PCDHA12: variants seen among roughly 807,000 people sequenced by gnomAD.
The protein encoded by PCDHA12 is protocadherin alpha 12, also known as protocadherin alpha-12.
Under a neutral mutation model 60.0 loss-of-function variants are expected in PCDHA12, and 44 were observed. That is an observed-to-expected ratio of 0.73 (90% confidence interval 0.58 to 0.94). PCDHA12 has a LOEUF of 0.94. PCDHA12 is among the 40% of genes least tolerant of loss of function. PCDHA12 has a pLI of 0.00. For missense variants in PCDHA12, 1,276 were observed against 1,239.7 expected (o/e 1.03, Z -0.44); for synonymous variants, 569 against 553.0 (o/e 1.03, Z -0.40).
At chr5:140,895,666 T>A (rs538311323) in intron 1 of PCDHA12, among the ~76,000 whole-genome samples, 24 of 152,288 alleles carry the variant, frequency 1.6e-4, no homozygotes, top group African/African-American at 5.8e-4. Context: ...AGTGAGAACA[T>A]GTAGTATTTG....
intron 1 of PCDHA12, among the ~76,000 whole-genome samples, chr5:140,910,005 G>T (rs1554194067): frequency 1.3e-5 from 2 of 152,212 alleles, no homozygotes; most frequent in African/African-American, 4.8e-5. Flanking sequence ...ATTGTTGTCA[G>T]TGTCATCCTT....
At chr5:140,900,588 C>G (rs1025443524) in intron 1 of PCDHA12, among the ~76,000 whole-genome samples, 3 of 152,150 alleles carry the variant, frequency 2.0e-5, no homozygotes, top group African/African-American at 7.2e-5. Flanking sequence ...TTTTCTTTAC[C>G]CGTTCATCTG....
chr5:140,903,902 A>G lies in PCDHA12; in HGVS notation c.2367+26063A>G, dbSNP rs548056424. Among the ~76,000 whole-genome samples the G allele has an allele frequency of 5.9e-5, 9 of 152,370 alleles. No individual in the cohort carries two copies. The South Asian group carries it at 1.9e-3, about 32-fold the overall frequency. On this transcript the variant is annotated intron_variant, in intron 1 of 3. Transcript: ENST00000398631. ...ACATTGAATCTTGACCTGTTTGTCA[A>G]TGATGTGACTTCCTTGCTGCATTGG...
intron 3 of PCDHA12, among the ~76,000 whole-genome samples, chr5:141,007,874 T>TA (rs2098349969): frequency 6.6e-6 from 1 of 152,244 alleles, no homozygotes; most frequent in African/African-American, 2.4e-5. Flanking sequence ...TCCTTTGTCT[T>TA]ACACTTCTTT....
intron 1 of PCDHA12, among the ~76,000 whole-genome samples, chr5:140,945,280 A>G (rs1482777954): frequency 6.6e-6 from 1 of 152,146 alleles, no homozygotes; most frequent in Non-Finnish European, 1.5e-5. Flanking sequence ...ACTTTAAAAC[A>G]TTGATGAAAG....
At chr5:141,007,280 T>G (rs946303708) in intron 3 of PCDHA12, among the ~76,000 whole-genome samples, 1 of 151,106 alleles carries the variant, frequency 6.6e-6, no homozygotes, top group East Asian at 1.9e-4. Flanking sequence ...CTGGGTGCAG[T>G]GGGCTCATGC....
intron 2 of PCDHA12, among the ~76,000 whole-genome samples, chr5:140,981,925 T>C (rs2096957903): frequency 1.3e-5 from 2 of 152,160 alleles, no homozygotes; most frequent in South Asian, 2.1e-4. Flanking sequence ...CAAGTTTCTC[T>C]AGTCTCAGGA....
chr5:140,942,588 A>G lies in PCDHA12; in HGVS notation c.2368-36361A>G, dbSNP rs1416575390. Among the ~76,000 whole-genome samples the G allele has an allele frequency of 2.0e-5, 3 of 149,704 alleles. No homozygotes were observed. The East Asian group carries it at 5.9e-4, about 29-fold the overall frequency. ...AAAATCTTCCCATATAGGATGTCAC[A>G]TATAATTATAGTGTTTATATTTGCC... On this transcript the variant is annotated intron_variant, in intron 1 of 3. Transcript: ENST00000398631.
chr5:140,913,824 TC>T, intron 1 of PCDHA12, among the ~76,000 whole-genome samples: 1 of 152,216 alleles, frequency 6.6e-6, no homozygotes, highest in Middle Eastern at 3.2e-3. Context: ...CTTTTAAATT[TC>T]TTTATTGACC....
chr5:140,928,896 A>G, intron 1 of PCDHA12: 3 of 1,614,108 alleles, frequency 1.9e-6, no homozygotes, highest in Non-Finnish European at 2.5e-6. Context: ...CAGACTTTGA[A>G]GATGTCTGGG....
intron 1 of PCDHA12, among the ~76,000 whole-genome samples, chr5:140,964,836 T>G (rs1306843318): frequency 1.3e-5 from 2 of 152,148 alleles, no homozygotes; most frequent in African/African-American, 4.8e-5. Flanking sequence ...AATTGCTTCC[T>G]ACTCTGTACC....
chr5:140,898,148 A>C lies in PCDHA12; in HGVS notation c.2367+20309A>C, dbSNP rs532668918. On this transcript the variant is annotated intron_variant, in intron 1 of 3. Coordinates refer to ENST00000398631, the MANE Select transcript of PCDHA12 (RefSeq NM_018903.4). ...CTCCCATTTTGTAGGTTGCCTGTTC[A>C]CGCTGATGGTGGTTTCTTTTGCTGT... Among the ~76,000 whole-genome samples, 1,044 of 152,230 alleles carry C rather than the reference A, an allele frequency of 6.9e-3. 8 individuals are homozygous for C. The highest frequency in any genetic ancestry group is 0.024 in the African/African-American group (1,010 of 41,492).
At chr5:140,978,499 T>A (rs1178288273) in intron 1 of PCDHA12, among the ~76,000 whole-genome samples, 1 of 152,238 alleles carries the variant, frequency 6.6e-6, no homozygotes, top group African/African-American at 2.4e-5. Flanking sequence ...AGCAGCAGAT[T>A]GCAGTCCTCT....
Position 140,950,516 on chromosome 5 carries a change from G to A in PCDHA12, c.2368-28433G>A, listed in dbSNP as rs184772904. ...ATTTAAGTCATTATTCCCTGTGTGCGATATGATTGTTTTTGTTGCTCTTGC... is the reference window on the plus strand; with the variant it reads ...ATTTAAGTCATTATTCCCTGTGTGCAATATGATTGTTTTTGTTGCTCTTGC... On this transcript the variant is annotated intron_variant, in intron 1 of 3. Coordinates refer to ENST00000398631, the MANE Select transcript of PCDHA12 (RefSeq NM_018903.4). Among the ~76,000 whole-genome samples, 6 of 152,110 alleles carry A rather than the reference G, an allele frequency of 3.9e-5. No individual in the cohort carries two copies. The East Asian group carries it at 9.6e-4, about 24-fold the overall frequency.
chr5:140,982,566 A>C lies in PCDHA12; in HGVS notation c.2515+3A>C. 1.2e-6 allele frequency: 2 copies of C among 1,614,088 alleles called. No individual in the cohort carries two copies. Among genetic ancestry groups the C allele is most frequent in the Non-Finnish European group, 1.7e-6 (2 of 1,179,950 alleles). ...AACAGTATCCAGTGCAACACCAGGT[A>C]AAGAGCTGGGGTCTCTCCATTCTTT... is the stretch of plus-strand genomic sequence containing the variant. On this transcript the variant is annotated splice_donor_region_variant and intron_variant, in intron 3 of 3. Transcript: ENST00000398631.
At position 140,967,262 on chromosome 5, in the gene PCDHA12, C is replaced by T; in HGVS notation, c.2368-11687C>T. ...AAGCGAATCGGTGGCGCCTGGAGCG[C>T]GCTTTCACATAGAGAGTGCGCAGGA... On this transcript the variant is annotated intron_variant, in intron 1 of 3. Transcript: ENST00000398631. The T allele has an allele frequency of 1.9e-6, 3 of 1,613,522 alleles. No homozygotes were observed. In the South Asian group the frequency reaches 3.3e-5, roughly 18 times the overall value.
intron 1 of PCDHA12, among the ~76,000 whole-genome samples, chr5:140,908,097 G>A (rs184366035): frequency 2.6e-5 from 4 of 152,212 alleles, no homozygotes; most frequent in African/African-American, 9.6e-5. Flanking sequence ...ACTGATTGAA[G>A]TTCTGTCCAC....
intron 1 of PCDHA12, among the ~76,000 whole-genome samples, chr5:140,926,207 C>A (rs1259453811): frequency 6.6e-6 from 1 of 152,074 alleles, no homozygotes; most frequent in Non-Finnish European, 1.5e-5. Flanking sequence ...TCGGGGGGCT[C>A]CTGTTTCCTT....
chr5:140,946,781 G>A (rs1006814243), intron 1 of PCDHA12, among the ~76,000 whole-genome samples: 6 of 151,330 alleles, frequency 4.0e-5, no homozygotes, highest in African/African-American at 1.2e-4. Flanking sequence ...ATGTAAAAAA[G>A]CTGATCTTAT....
Sources: allele counts gnomAD v4.1 joint callset (sites outside exome capture counted in the v4.1 genomes callset), GRCh38; gene constraint gnomAD v4.1.1; transcripts MANE v1.5; gene names NCBI Gene and HGNC (gene_info 2026-07-23, HGNC 2026-07-21).